Variants in NKAIN3 observed in about 807,000 individuals in gnomAD.
NKAIN3 encodes sodium/potassium transporting ATPase interacting 3.
NKAIN3 carries 25 observed loss-of-function variants against 30.2 expected under a neutral mutation model. The ratio of observed to expected loss-of-function variants is 0.83; its 90% CI spans 0.60 to 1.16. NKAIN3 has a LOEUF of 1.16. Ranked by LOEUF, NKAIN3 falls within the 50% of genes most tolerant of loss-of-function variation. The pLI is 0.00. For missense variants in NKAIN3, 225 were observed against 254.1 expected, an observed-to-expected ratio of 0.89 and a Z score of 0.78; for synonymous variants, 91 against 89.6, an observed-to-expected ratio of 1.02 and a Z score of -0.09.
At chr8:62,624,645 A>G (rs1267543801) in intron 3 of NKAIN3, among the ~76,000 whole-genome samples, 1 of 151,674 alleles carries the variant, frequency 6.6e-6, no homozygotes, top group Non-Finnish European at 1.5e-5. Context: ...TTAGTGTCTT[A>G]CATTAGTTTT....
intron 1 of NKAIN3, among the ~76,000 whole-genome samples, chr8:62,257,739 A>G (rs1812307132): frequency 6.6e-6 from 1 of 152,228 alleles, no homozygotes; most frequent in Non-Finnish European, 1.5e-5. Flanking sequence ...AGGTTGTAAA[A>G]CTAAGAAAAT....
chr8:62,530,105 G>A (rs749693570), intron 1 of NKAIN3, among the ~76,000 whole-genome samples: 1 of 152,062 alleles, frequency 6.6e-6, no homozygotes, highest in Non-Finnish European at 1.5e-5. Context: ...AGAAACAAAG[G>A]GGACAACAGT....
chr8:62,690,615 G>A (rs1813937156), intron 3 of NKAIN3, among the ~76,000 whole-genome samples: 1 of 152,174 alleles, frequency 6.6e-6, no homozygotes, highest in South Asian at 2.1e-4. Context: ...AGAGTAGACG[G>A]TTGTCCAGAG....
Position 62,441,189 on chromosome 8 carries a change from G to A in NKAIN3, c.55-138350G>A, listed in dbSNP as rs76894762. On this transcript the variant is annotated intron_variant, in intron 1 of 6. Coordinates refer to ENST00000623646, the MANE Select transcript of NKAIN3 (RefSeq NM_001304533.3). ...GCTTTTTATTATTTTTAAAGAAGTA[G>A]GAGATAATATTACTGATTTTAAGAG... Among the ~76,000 whole-genome samples the A allele has an allele frequency of 1.2e-3, 181 of 152,142 alleles. 5 individuals carry two copies. In the East Asian group the frequency reaches 0.03, roughly 25 times the overall value.
chr8:62,832,225 A>G (rs1286745561), intron 4 of NKAIN3, among the ~76,000 whole-genome samples: 2 of 151,600 alleles, frequency 1.3e-5, no homozygotes, highest in East Asian at 3.9e-4. Context: ...TTCTAAACAG[A>G]AACAAAAGAA....
intron 4 of NKAIN3, among the ~76,000 whole-genome samples, chr8:62,858,902 C>T (rs561476246): frequency 6.6e-6 from 1 of 152,184 alleles, no homozygotes; most frequent in Non-Finnish European, 1.5e-5. Flanking sequence ...GTTCAGCCCC[C>T]TTCCTAGGGG....
At chr8:62,917,359 G>T (rs1013960487) in intron 4 of NKAIN3, among the ~76,000 whole-genome samples, 1 of 152,150 alleles carries the variant, frequency 6.6e-6, no homozygotes, top group Non-Finnish European at 1.5e-5. Context: ...GGAGGTGCCC[G>T]CTGGGTGGGA....
intron 1 of NKAIN3, among the ~76,000 whole-genome samples, chr8:62,504,559 A>G (rs1283936767): frequency 6.6e-6 from 1 of 152,028 alleles, no homozygotes; most frequent in Non-Finnish European, 1.5e-5. Context: ...TTAGCTGTCT[A>G]TATTTTGCTC....
intron 3 of NKAIN3, among the ~76,000 whole-genome samples, chr8:62,722,404 G>C (rs774759111): frequency 6.6e-6 from 1 of 152,090 alleles, no homozygotes; most frequent in Non-Finnish European, 1.5e-5. Flanking sequence ...TAAAAATTTT[G>C]AAGAATGAAA....
At chr8:62,608,358 G>A (rs1224395974) in intron 3 of NKAIN3, among the ~76,000 whole-genome samples, 1 of 152,148 alleles carries the variant, frequency 6.6e-6, no homozygotes, top group Non-Finnish European at 1.5e-5. Context: ...TAATAATAGA[G>A]ATTAGTATTA....
chr8:62,947,484 C>A (rs916286676), intron 5 of NKAIN3, among the ~76,000 whole-genome samples: 6 of 152,166 alleles, frequency 3.9e-5, no homozygotes, highest in African/African-American at 1.2e-4. Context: ...TTAGTGTTAG[C>A]CATTGTAGAA....
intron 1 of NKAIN3, among the ~76,000 whole-genome samples, chr8:62,364,376 G>A (rs931187415): frequency 6.1e-5 from 6 of 99,102 alleles, no homozygotes; most frequent in Admixed American, 1.2e-4. Flanking sequence ...GAAAGTTTAT[G>A]TAATTATGAA....
At chr8:62,850,734 T>C (rs1179881613) in intron 4 of NKAIN3, among the ~76,000 whole-genome samples, 2 of 152,026 alleles carry the variant, frequency 1.3e-5, no homozygotes, top group Admixed American at 1.3e-4. Flanking sequence ...ATTGCTTGTT[T>C]TTCTCAGGTT....
intron 1 of NKAIN3, among the ~76,000 whole-genome samples, chr8:62,350,682 T>G (rs937105332): frequency 2.0e-5 from 3 of 152,026 alleles, no homozygotes; most frequent in Non-Finnish European, 4.4e-5. Flanking sequence ...GTAATGAGCT[T>G]TTTAATTTTT....
chr8:62,828,212 T>C (rs1213419473), intron 4 of NKAIN3, among the ~76,000 whole-genome samples: 1 of 152,180 alleles, frequency 6.6e-6, no homozygotes, highest in Non-Finnish European at 1.5e-5. Flanking sequence ...ATAAAACTAT[T>C]GTTACATAAA....
chr8:62,329,959 T>A (rs1815283983), intron 1 of NKAIN3, among the ~76,000 whole-genome samples: 1 of 152,038 alleles, frequency 6.6e-6, no homozygotes, highest in South Asian at 2.1e-4. Context: ...GGTGAACTGT[T>A]GATTTACCAC....
chr8:62,670,710 A>G (rs1259824270), intron 3 of NKAIN3, among the ~76,000 whole-genome samples: 1 of 152,122 alleles, frequency 6.6e-6, no homozygotes, highest in East Asian at 1.9e-4. Context: ...CTTCCTGAGT[A>G]AGCAGGTGAC....
intron 3 of NKAIN3, among the ~76,000 whole-genome samples, chr8:62,700,400 T>C (rs1404544218): frequency 6.6e-6 from 1 of 152,234 alleles, no homozygotes; most frequent in Non-Finnish European, 1.5e-5. Context: ...CTCCCTGAAT[T>C]GCAATTTCCT....
chr8:62,472,926 C>T (rs943647431), intron 1 of NKAIN3, among the ~76,000 whole-genome samples: 13 of 152,142 alleles, frequency 8.5e-5, no homozygotes, highest in Non-Finnish European at 1.8e-4. Flanking sequence ...GCTGCATGAG[C>T]TGCACCAACA....
Sources: gnomAD v4.1 joint callset for allele counts (sites outside exome capture counted in the v4.1 genomes callset) on GRCh38, gnomAD v4.1.1 for gene constraint, MANE v1.5 for transcripts, NCBI Gene and HGNC (gene_info 2026-07-23, HGNC 2026-07-21) for gene names.